Variants in PIGN observed in about 807,000 individuals in gnomAD.
The protein encoded by PIGN is phosphatidylinositol glycan anchor biosynthesis class N.
Under a neutral mutation model 125.4 loss-of-function variants are expected in PIGN, and 117 were observed. The ratio of observed to expected loss-of-function variants is 0.93; its 90% CI spans 0.80 to 1.09. PIGN has a LOEUF of 1.09. Among genes scored for constraint, PIGN ranks in the 50% least tolerant of loss-of-function variants. The probability of loss-of-function intolerance (pLI) is 0.00; values close to 1 mark genes in which losing one functional copy is unlikely to be tolerated. For missense variants in PIGN, 1,075 were observed against 1,094.9 expected (o/e 0.98, Z 0.26); for synonymous variants, 392 against 377.8 (o/e 1.04, Z -0.44).
chr18:62,132,263 G>T (rs1051815483), intron 14 of PIGN, among the ~76,000 whole-genome samples: 1 of 152,100 alleles, frequency 6.6e-6, no homozygotes, highest in South Asian at 2.1e-4. Context: ...ATAAAGGGTC[G>T]ATGGTACTCA....
chr18:62,157,915 T>C, intron 4 of PIGN, 107 bp from the exon 5 acceptor site: 1 of 1,099,840 alleles, frequency 9.1e-7, no homozygotes, highest in Non-Finnish European at 1.3e-6. Context: ...AGCAAAAAAC[T>C]TAAGTCAAAA....
chr18:62,025,284 T>C (rs1170089313), intron 23 of PIGN, among the ~76,000 whole-genome samples: 1 of 152,216 alleles, frequency 6.6e-6, no homozygotes, highest in Non-Finnish European at 1.5e-5. Context: ...CAGTCAACAT[T>C]AGGTTTTTGT....
chr18:62,058,290 A>G (rs909614550), intron 30 of PIGN, among the ~76,000 whole-genome samples: 1 of 152,216 alleles, frequency 6.6e-6, no homozygotes, highest in Non-Finnish European at 1.5e-5. Context: ...AATTAGGTAT[A>G]ATATTACATA....
chr18:62,058,057 GCAC>G (rs574808599), intron 30 of PIGN, among the ~76,000 whole-genome samples: 45,843 of 152,102 alleles, frequency 0.3, 8,069 homozygotes, highest in East Asian at 0.58. Context: ...CTCCTGATAA[GCAC>G]CCAGCACCTG....
chr18:62,082,746 T>C lies in PIGN; in HGVS notation c.2503A>G (p.Ile835Val). 2.0e-6 allele frequency: 3 copies of C among 1,513,864 alleles called. No homozygotes were observed. Among genetic ancestry groups the C allele is most frequent in the Non-Finnish European group, 2.7e-6 (3 of 1,111,662 alleles). The allele number at this position is 1,513,864 out of a possible 1,614,324, so 93.8% of individuals were successfully genotyped here. ...ATAACAAGAACAAAGGGGATTAAAA[T>C]CTGTAAAAGAACAATAAATGATGCA... ...FMMGALMMWKILIPFVLVMCA... is the reference protein window; with the variant it reads ...FMMGALMMWKVLIPFVLVMCA... Residue 835 changes from isoleucine (I) to valine (V), a missense_variant and splice_region_variant, in exon 28 of 31, where the codon ATT (isoleucine) becomes GTT (valine). Coordinates refer to ENST00000640252, the MANE Select transcript of PIGN (RefSeq NM_176787.5).
At chr18:62,071,280 T>G (rs1409578133) in intron 30 of PIGN, among the ~76,000 whole-genome samples, 4 of 152,166 alleles carry the variant, frequency 2.6e-5, no homozygotes. Flanking sequence ...ACACTAGGAC[T>G]CTGGAATGAT....
intron 14 of PIGN, among the ~76,000 whole-genome samples, chr18:62,128,818 T>C (rs1055997163): frequency 2.0e-5 from 3 of 152,156 alleles, no homozygotes; most frequent in African/African-American, 7.2e-5. Context: ...CTAAAATACA[T>C]TTTCTTTAAT....
At chr18:62,082,020 C>T (rs2033472083) in intron 28 of PIGN, among the ~76,000 whole-genome samples, 1 of 152,064 alleles carries the variant, frequency 6.6e-6, no homozygotes, top group Non-Finnish European at 1.5e-5. Flanking sequence ...AACTGCTAAG[C>T]TTCATATTTA....
At position 62,043,517 on chromosome 18, in the gene PIGN, G is replaced by A. The variant is rs1312175776; in HGVS notation, c.*2339C>T. The A allele has an allele frequency of 6.6e-6, 1 of 152,122 alleles. No homozygotes were observed. Among genetic ancestry groups the A allele is most frequent in the South Asian group, 2.1e-4 (1 of 4,826 alleles). The allele number at this position is 152,122 out of a possible 1,614,324, so 9.4% of individuals were successfully genotyped here. On this transcript the variant is annotated 3_prime_UTR_variant, in exon 31 of 31. Transcript: ENST00000640252. ...CATGAGAAACCATATTATAATGGAT[G>A]AAGAGCTTTTCTAATTCAGCTCTAT... is the stretch of plus-strand genomic sequence containing the variant.
chr18:62,090,086 T>C (rs1279122280), intron 24 of PIGN, among the ~76,000 whole-genome samples: 1 of 152,154 alleles, frequency 6.6e-6, no homozygotes, highest in African/African-American at 2.4e-5. Flanking sequence ...CACCTTATAA[T>C]AAAATTCATA....
chr18:62,060,133 C>T (rs905636203), intron 30 of PIGN, among the ~76,000 whole-genome samples: 4 of 152,164 alleles, frequency 2.6e-5, no homozygotes, highest in African/African-American at 7.2e-5. Context: ...GCAATTGAGC[C>T]ATAAGGCATC....
At chr18:62,053,193 A>T (rs1384325245) in intron 30 of PIGN, among the ~76,000 whole-genome samples, 1 of 152,200 alleles carries the variant, frequency 6.6e-6, no homozygotes, top group African/African-American at 2.4e-5. Flanking sequence ...GGGATGTAGA[A>T]GGAGGTAAGG....
intron 14 of PIGN, among the ~76,000 whole-genome samples, chr18:62,122,803 A>G (rs977814893): frequency 6.6e-6 from 1 of 152,200 alleles, no homozygotes; most frequent in Non-Finnish European, 1.5e-5. Flanking sequence ...GATTCCTTCC[A>G]GTTCCCTCTA....
chr18:62,181,765 C>T (rs1368511373), intron 1 of PIGN, among the ~76,000 whole-genome samples: 2 of 152,048 alleles, frequency 1.3e-5, no homozygotes, highest in Non-Finnish European at 1.5e-5. Flanking sequence ...CCCTATCTAT[C>T]GCCCAGGCTG....
intron 14 of PIGN, among the ~76,000 whole-genome samples, chr18:62,134,634 A>T (rs909355066): frequency 2.0e-5 from 3 of 152,230 alleles, no homozygotes; most frequent in African/African-American, 7.2e-5. Flanking sequence ...TGACTCTAAA[A>T]GCTGAAAACC....
At position 62,071,863 on chromosome 18, in the gene PIGN, CATATATATATATATATATATATATATAT is replaced by C. The variant is rs61508545; in HGVS notation, c.2672+782_2672+809del. ...CGTTTTTTAGACTGTACTCCTTTTC[CATATATATATATATATATATATATATAT>C]ATATATATATATATATATAAATTTA... On this transcript the variant is annotated intron_variant, in intron 30 of 30. Transcript: ENST00000640252. Among the ~76,000 whole-genome samples the C allele has an allele frequency of 9.3e-3, 722 of 77,614 alleles. 13 individuals are homozygous for C. Among genetic ancestry groups the C allele is most frequent in the African/African-American group, 0.016 (354 of 21,908 alleles). The allele number at this position is 77,614 out of a possible 152,430, so 50.9% of individuals were successfully genotyped here.
chr18:62,045,703 A>G lies in PIGN; in HGVS notation c.*153T>C. Reference sequence around the variant, plus strand: ...AAAAAAAAAGAAGCTCCTTTGTTCCAGATAACCTGTCAATTCGGAATTCCA... The same window carrying G: ...AAAAAAAAAGAAGCTCCTTTGTTCCGGATAACCTGTCAATTCGGAATTCCA... On this transcript the variant is annotated 3_prime_UTR_variant, in exon 31 of 31. Coordinates refer to ENST00000640252, the MANE Select transcript of PIGN (RefSeq NM_176787.5). The G allele has an allele frequency of 1.6e-6, 1 of 642,384 alleles. No individual in the cohort carries two copies. The highest frequency in any genetic ancestry group is 2.5e-6 in the Non-Finnish European group (1 of 401,796). 39.8% of individuals were successfully genotyped at this position (642,384 alleles called of 1,614,324 possible).
rs949219629 is a variant in PIGN at position 62,064,025 on chromosome 18, T to C, written c.2672+8648A>G. Among the ~76,000 whole-genome samples, 15 of 152,006 alleles carry C rather than the reference T, an allele frequency of 9.9e-5. No homozygotes were observed. In the East Asian group the frequency reaches 2.9e-3, roughly 30 times the overall value. On this transcript the variant is annotated intron_variant, in intron 30 of 30. Coordinates refer to ENST00000640252, the MANE Select transcript of PIGN (RefSeq NM_176787.5). The stretch of plus-strand genomic sequence containing the variant: ...CACACCAACATGGCACATGTATACA[T>C]ATGTAACAAATCTGCACGTTGTGCA...
At chr18:62,053,932 C>T (rs2031517936) in intron 30 of PIGN, among the ~76,000 whole-genome samples, 1 of 152,014 alleles carries the variant, frequency 6.6e-6, no homozygotes, top group African/African-American at 2.4e-5. Context: ...AACTAGAAAT[C>T]AACAATGGAT....
Sources: gnomAD v4.1 joint callset for allele counts (sites outside exome capture counted in the v4.1 genomes callset) on GRCh38, gnomAD v4.1.1 for gene constraint, MANE v1.5 for transcripts, NCBI Gene and HGNC (gene_info 2026-07-23, HGNC 2026-07-21) for gene names.